The following PXN variants were observed in gnomAD, a reference collection of about 807,000 sequenced individuals.
PXN encodes paxillin, also known as testicular tissue protein Li 134.
A neutral mutation model predicts 103.6 loss-of-function variants in PXN; 61 were observed. The ratio of observed to expected loss-of-function variants is 0.59; its 90% confidence interval spans 0.48 to 0.73. The LOEUF is 0.73. PXN is among the 30% of genes least tolerant of loss of function. The probability of loss-of-function intolerance (pLI) is 0.00; values close to 1 mark genes in which losing one functional copy is unlikely to be tolerated. For synonymous variants in PXN, 562 were observed against 607.8 expected (o/e 0.92, Z 1.11); for missense variants, 1,274 against 1,460.3 (o/e 0.87, Z 2.08).
At chr12:120,247,073 T>A (rs1393991485) in intron 1 of PXN, among the ~76,000 whole-genome samples, 1 of 149,792 alleles carries the variant, frequency 6.7e-6, no homozygotes, top group Non-Finnish European at 1.5e-5. Flanking sequence ...GAAGAAAGAA[T>A]AAACAGATGG....
In PXN at chr12:120,229,104, T is replaced by C. The variant is rs968336987; in HGVS notation, c.14-4727A>G. On this transcript the variant is annotated intron_variant, in intron 1 of 14. Coordinates refer to ENST00000637617, the MANE Select transcript of PXN (RefSeq NM_001385981.1). This position sits in a 1 kb window ranked among gnomAD's most constrained non-coding sequence, Gnocchi z 4.0. ...TGCAGCTGCATCCCTCACATTCCTGTACCCACCTAGGGGCTCCGGGTGGAA... is the reference window on the plus strand; with the variant it reads ...TGCAGCTGCATCCCTCACATTCCTGCACCCACCTAGGGGCTCCGGGTGGAA... Among the ~76,000 whole-genome samples, 4 of 152,140 alleles carry C rather than the reference T, an allele frequency of 2.6e-5. No individual in the cohort carries two copies. The highest frequency in any genetic ancestry group is 5.9e-5 in the Non-Finnish European group (4 of 68,010).
intron 1 of PXN, chr12:120,250,121 C>A: frequency 1.0e-6 from 1 of 985,824 alleles, no homozygotes; most frequent in Non-Finnish European, 1.2e-6. Flanking sequence ...TGATGAGAAA[C>A]TGCCTTAGCC....
chr12:120,224,746 A>G lies in PXN; in HGVS notation c.14-369T>C, dbSNP rs1200141080. On this transcript the variant is annotated intron_variant, in intron 1 of 14. Coordinates refer to ENST00000637617, the MANE Select transcript of PXN (RefSeq NM_001385981.1). This position sits in a 1 kb window ranked among gnomAD's most constrained non-coding sequence, Gnocchi z 5.0. The stretch of plus-strand genomic sequence containing the variant: ...TCTGAATCTGCAGGGCAACGCGGAG[A>G]GAATGGGCGGGAGGGGCCCCACGTC... The G allele has an allele frequency of 2.0e-6, 1 of 506,086 alleles. No homozygotes were observed. The allele number at this position is 506,086 out of a possible 1,614,324, so 31.3% of individuals were successfully genotyped here.
intron 1 of PXN, among the ~76,000 whole-genome samples, chr12:120,252,903 TAGG>T (rs1488425257): frequency 6.8e-6 from 1 of 147,240 alleles, no homozygotes; most frequent in Non-Finnish European, 1.5e-5. Context: ...GAGGTTGAGG[TAGG>T]AGAATTGCTT....
At chr12:120,250,296 GC>G in intron 1 of PXN, 1 of 639,770 alleles carries the variant, frequency 1.6e-6, no homozygotes, top group Non-Finnish European at 1.9e-6. Flanking sequence ...CTCCAACAGA[GC>G]CCAGGGTGGG....
rs1361891093 is a variant in PXN at position 120,224,476 on chromosome 12, C to T, written c.14-99G>A. ...CCTGCACCTCAAGAGTTAATGCCTTCTAGCACCTGCCCCACCCATGGGAGA... is the reference window on the plus strand; with the variant it reads ...CCTGCACCTCAAGAGTTAATGCCTTTTAGCACCTGCCCCACCCATGGGAGA... On this transcript the variant is annotated intron_variant, in intron 1 of 14. Transcript: ENST00000637617. This position sits in a 1 kb window ranked among gnomAD's most constrained non-coding sequence, Gnocchi z 5.0. The T allele has an allele frequency of 1.1e-6, 1 of 870,902 alleles. No individual in the cohort carries two copies. Among genetic ancestry groups the T allele is most frequent in the Admixed American group, 1.7e-5 (1 of 58,948 alleles). The allele number at this position is 870,902 out of a possible 1,614,324, so 53.9% of individuals were successfully genotyped here.
At chr12:120,231,596 T>C (rs1888063823) in intron 1 of PXN, among the ~76,000 whole-genome samples, 1 of 152,148 alleles carries the variant, frequency 6.6e-6, no homozygotes, top group Non-Finnish European at 1.5e-5. Flanking sequence ...GAAGTGGTTC[T>C]TCCCCAGGCT....
In PXN at chr12:120,212,331, G is replaced by A. The variant is rs1183499873; in HGVS notation, c.3229C>T (p.Leu1077Phe). The A allele has an allele frequency of 6.2e-7, 1 of 1,613,464 alleles. No homozygotes were observed. Among genetic ancestry groups the A allele is most frequent in the Admixed American group, 1.7e-5 (1 of 59,966 alleles). The change falls in exon 15 of 15, where the codon CTC (leucine) becomes TTC (phenylalanine). Residue 1077 changes from leucine to phenylalanine, a missense_variant. This residue lies in a region of PXN where 96 missense variants were observed against 151.3 expected (regional missense o/e 0.63). Transcript: ENST00000637617. The surrounding 1 kb of genome is among the most constrained non-coding windows in gnomAD (Gnocchi z 7.2). ...CAGGGCACCTAGCAGAAGAGCTTGAGGAAGCAGTTCTGACAGTAAGGCTTG... is the reference window on the plus strand; with the variant it reads ...CAGGGCACCTAGCAGAAGAGCTTGAAGAAGCAGTTCTGACAGTAAGGCTTG... The part of the protein sequence containing the change: ...NDKPYCQNCF[L>F]KLFC
At chr12:120,243,729 T>C (rs1335037363) in intron 1 of PXN, among the ~76,000 whole-genome samples, 1 of 152,106 alleles carries the variant, frequency 6.6e-6, no homozygotes, top group Non-Finnish European at 1.5e-5. Context: ...TAGGATCCCA[T>C]TTCCTCCAGG....
intron 1 of PXN, among the ~76,000 whole-genome samples, chr12:120,238,897 A>G (rs1278869333): frequency 3.3e-5 from 5 of 152,122 alleles, no homozygotes; most frequent in Admixed American, 1.3e-4. Flanking sequence ...CTGTCCTTGG[A>G]CGCTCCTAAG....
intron 1 of PXN, among the ~76,000 whole-genome samples, chr12:120,259,082 CA>C (rs79558381): frequency 0.16 from 22,637 of 145,492 alleles, 2,005 homozygotes; most frequent in East Asian, 0.46. Context: ...AACAAACAAA[CA>C]AAAAAAAACA....
rs1566398284 is a variant in PXN, at chr12:120,225,976, C to T, written c.14-1599G>A. ...AGGCCCAGGACCCCGGGTCTGGTCGCCTGACCTCCAAGGAAGTTCAGGTCC... is the reference window on the plus strand; with the variant it reads ...AGGCCCAGGACCCCGGGTCTGGTCGTCTGACCTCCAAGGAAGTTCAGGTCC... On this transcript the variant is annotated intron_variant, in intron 1 of 14. Transcript: ENST00000637617. The surrounding 1 kb of genome is among the most constrained non-coding windows in gnomAD (Gnocchi z 4.4). 9 of 899,174 alleles carry T rather than the reference C, an allele frequency of 1.0e-5. No homozygotes were observed. The highest frequency in any genetic ancestry group is 9.7e-6 in the Non-Finnish European group (7 of 720,170). The allele number at this position is 899,174 out of a possible 1,614,324, so 55.7% of individuals were successfully genotyped here. A position where few individuals can be genotyped will look rare whatever the true frequency, so the allele number is the denominator to read the frequency against.
rs1880000876 is a variant in PXN at position 120,210,844 on chromosome 12, T to C, written c.*1470A>G. On this transcript the variant is annotated 3_prime_UTR_variant, in exon 15 of 15. Coordinates refer to ENST00000637617, the MANE Select transcript of PXN (RefSeq NM_001385981.1). ...CAAGGCCTGGCTCCTCTTTCATCCT[T>C]GGTAAAGAGCTCTGGGGGGTTTCCC... The C allele has an allele frequency of 6.6e-6, 1 of 152,652 alleles. No homozygotes were observed. Among genetic ancestry groups the C allele is most frequent in the East Asian group, 1.9e-4 (1 of 5,182 alleles). 9.5% of individuals were successfully genotyped at this position (152,652 alleles called of 1,614,324 possible).
rs752934249 is a variant in PXN at position 120,215,925 on chromosome 12, C to A, written c.2302-264G>T. The A allele has an allele frequency of 2.2e-6, 3 of 1,391,352 alleles. No individual in the cohort carries two copies. The highest frequency in any genetic ancestry group is 1.9e-6 in the Non-Finnish European group (2 of 1,074,076). 86.2% of individuals were successfully genotyped at this position (1,391,352 alleles called of 1,614,324 possible). A position where few individuals can be genotyped will look rare whatever the true frequency, so the allele number is the denominator to read the frequency against. The stretch of plus-strand genomic sequence containing the variant: ...AGGTGGCCGGGCTCAGTGATGAGGC[C>A]TCACCGGGCGCTGGGCCTGGGGGCT... On this transcript the variant is annotated intron_variant, in intron 9 of 14. Transcript: ENST00000637617. This position sits in a 1 kb window ranked among gnomAD's most constrained non-coding sequence, Gnocchi z 4.9.
chr12:120,263,597 G>T (rs1337643603), intron 1 of PXN, among the ~76,000 whole-genome samples: 1 of 152,182 alleles, frequency 6.6e-6, no homozygotes, highest in Non-Finnish European at 1.5e-5. Context: ...GCCTCTCTTC[G>T]TCTCGGCTTT....
chr12:120,254,844 C>A (rs577545752), intron 1 of PXN, among the ~76,000 whole-genome samples: 2 of 152,244 alleles, frequency 1.3e-5, no homozygotes, highest in African/African-American at 4.8e-5. Flanking sequence ...CCACAATGCC[C>A]GGCCTAAGGT....
chr12:120,215,992 C>A lies in PXN; in HGVS notation c.2301+281G>T. On this transcript the variant is annotated intron_variant, in intron 9 of 14. Coordinates refer to ENST00000637617, the MANE Select transcript of PXN (RefSeq NM_001385981.1). The surrounding 1 kb of genome is among the most constrained non-coding windows in gnomAD (Gnocchi z 4.9). The stretch of plus-strand genomic sequence containing the variant: ...GTTTCTGGTCTCCCTTCTGGAGTGG[C>A]TTCTTTCCTCGATGGGAGCCCGGGG... 7.3e-7 allele frequency: 1 copy of A among 1,361,842 alleles called. No individual in the cohort carries two copies. The highest frequency in any genetic ancestry group is 2.0e-5 in the South Asian group (1 of 50,872). 84.4% of individuals were successfully genotyped at this position (1,361,842 alleles called of 1,614,324 possible).
chr12:120,262,959 C>A (rs1894101980), intron 1 of PXN, among the ~76,000 whole-genome samples: 1 of 152,196 alleles, frequency 6.6e-6, no homozygotes, highest in Non-Finnish European at 1.5e-5. Flanking sequence ...TTAAGCAGCA[C>A]ATGGTGAGTC....
chr12:120,245,335 G>A (rs764064943), intron 1 of PXN, among the ~76,000 whole-genome samples: 14 of 151,890 alleles, frequency 9.2e-5, no homozygotes, highest in Admixed American at 3.3e-4. Context: ...CACAAAGCAC[G>A]TACAGATTAG....
Sources: allele counts gnomAD v4.1 joint callset (sites outside exome capture counted in the v4.1 genomes callset), GRCh38; gene constraint gnomAD v4.1.1; regional missense constraint gnomAD v4.1.1; non-coding constraint Gnocchi (gnomAD v3.1); transcripts MANE v1.5; gene names NCBI Gene and HGNC (gene_info 2026-07-23, HGNC 2026-07-21).